BBS2: variants seen among roughly 807,000 people sequenced by gnomAD.
BBS2 encodes the protein Bardet-Biedl syndrome 2.
A neutral mutation model predicts 83.0 loss-of-function variants in BBS2; 62 were observed. That is an observed-to-expected ratio of 0.75 (90% CI 0.61 to 0.92). BBS2 has a LOEUF of 0.92. Ranked by LOEUF, BBS2 falls within the 40% of genes least tolerant of loss-of-function variation. BBS2 has a pLI of 0.00. For missense variants in BBS2, 784 were observed against 901.0 expected (o/e 0.87, Z 1.66); for synonymous variants, 303 against 326.1 (o/e 0.93, Z 0.76).
chr16:56,501,549 T>C, intron 9 of BBS2, 52 bp from the exon 10 acceptor site: 1 of 1,611,752 alleles, frequency 6.2e-7, no homozygotes, highest in Non-Finnish European at 8.5e-7. Flanking sequence ...ACTGAACTAA[T>C]ATCAATTTTA....
chr16:56,511,363 A>C, intron 2 of BBS2, 79 bp from the exon 3 acceptor site: 1 of 1,585,950 alleles, frequency 6.3e-7, no homozygotes, highest in Non-Finnish European at 8.6e-7. Flanking sequence ...AATTTTGAGT[A>C]AACTGAGCAG....
chr16:56,509,758 T>C, intron 5 of BBS2, 199 bp downstream of exon 5: 1 of 566,512 alleles, frequency 1.8e-6, no homozygotes, highest in Non-Finnish European at 3.2e-6. Flanking sequence ...ATTTAATCAG[T>C]CTTTTCAAAA....
chr16:56,506,352 T>A, intron 5 of BBS2, 128 bp from the exon 6 acceptor site: 1 of 727,306 alleles, frequency 1.4e-6, no homozygotes, highest in Non-Finnish European at 2.4e-6. Context: ...GCGCTTCCAA[T>A]CCATTAGTGG....
At chr16:56,506,058 T>C in intron 6 of BBS2, 22 bp from the exon 7 acceptor site, 1 of 1,612,134 alleles carries the variant, frequency 6.2e-7, no homozygotes, top group Non-Finnish European at 8.5e-7. Flanking sequence ...TTTTAATAAT[T>C]AGCACAGAAG....
rs1555520101 is a variant in BBS2, at chr16:56,484,761, C to T, written c.2166G>A (p.Ter722=). 3.7e-6 allele frequency: 6 copies of T among 1,613,094 alleles called. No homozygotes were observed. In the East Asian group the frequency reaches 1.3e-4, roughly 36 times the overall value. ...KIMRVGTASS[*] ...ACTTCATGACCTGTATTTTCCTCAC[C>T]TAGGAAGAAGCTGTCCCCACTCGCA... The change falls in exon 17 of 17, where the codon TAG becomes TAA. Residue 722 remains the stop codon, a stop_retained_variant. Coordinates refer to ENST00000245157, the MANE Select transcript of BBS2 (RefSeq NM_031885.5).
In BBS2 at chr16:56,484,812, A is replaced by T; in HGVS notation, c.2115T>A (p.Asn705Lys). 6.2e-7 allele frequency: 1 copy of T among 1,614,052 alleles called. No individual in the cohort carries two copies. The highest frequency in any genetic ancestry group is 8.5e-7 in the Non-Finnish European group (1 of 1,179,958). ...TGATTTTGAACAGTGTGTTGATGTT[A>T]TTGCTTCGAATTGCATCCCGACAAG... ...ITACRDAIRS[N>K]NINTLFKIMR... The change falls in exon 17 of 17, where the codon AAT (asparagine) becomes AAA (lysine). Residue 705 changes from asparagine to lysine, a missense_variant. Coordinates refer to ENST00000245157, the MANE Select transcript of BBS2 (RefSeq NM_031885.5).
At chr16:56,474,945 G>A in intron 17 of BBS2, 2 of 1,613,612 alleles carry the variant, frequency 1.2e-6, no homozygotes, top group Non-Finnish European at 1.7e-6. Flanking sequence ...TACTGTGGCT[G>A]TGAAGGTAAG....
chr16:56,506,104 G>C lies in BBS2; in HGVS notation c.717+16C>G. On this transcript the variant is annotated intron_variant, in intron 6 of 16. Coordinates refer to ENST00000245157, the MANE Select transcript of BBS2 (RefSeq NM_031885.5). ...ACTATCAAGCGCCTGAATATCAAAG[G>C]CTAAATTATACTAACTTTAATTCTC... is the stretch of plus-strand genomic sequence containing the variant. The C allele has an allele frequency of 6.2e-7, 1 of 1,611,296 alleles. No individual in the cohort carries two copies. Among genetic ancestry groups the C allele is most frequent in the Non-Finnish European group, 8.5e-7 (1 of 1,177,556 alleles).
At chr16:56,519,655 G>T in intron 1 of BBS2, 91 bp downstream of exon 1, 1 of 1,026,512 alleles carries the variant, frequency 9.7e-7, no homozygotes, top group Non-Finnish European at 1.5e-6. Context: ...CTGGGGGCGG[G>T]GTCGGAGAGG....
intron 15 of BBS2, among the ~76,000 whole-genome samples, chr16:56,490,975 ACGGTCTCGATC>A (rs1322075113): frequency 4.0e-5 from 6 of 151,806 alleles, no homozygotes; most frequent in African/African-American, 1.5e-4. Flanking sequence ...GTTAGTCAGG[ACGGTCTCGATC>A]TCCTGGCCTC....
downstream of BBS2, among the ~76,000 whole-genome samples, chr16:56,480,366 CAAAA>C (rs1157907841): frequency 3.3e-5 from 3 of 90,260 alleles, 1 homozygote; most frequent in Admixed American, 3.5e-4. Context: ...AAAAAAAAAA[CAAAA>C]AAAAAAACAA....
chr16:56,519,679 G>A, intron 1 of BBS2, 67 bp downstream of exon 1: 4 of 1,354,716 alleles, frequency 3.0e-6, no homozygotes, highest in East Asian at 2.3e-5. Context: ...CGGGATCCCA[G>A]GGGCGCGGCC....
At chr16:56,474,866 TG>T in intron 17 of BBS2, 1 of 1,613,630 alleles carries the variant, frequency 6.2e-7, no homozygotes, top group Non-Finnish European at 8.5e-7. Flanking sequence ...ACTGAGGCAT[TG>T]GAAGACCGGT....
In BBS2 at chr16:56,519,976, T is replaced by A; in HGVS notation, c.-114A>T. ...CACTACCTGCGCGGCCCCAGCCGCC[T>A]CAGGCCGGACGCGAAACAGCCCGGG... is the stretch of plus-strand genomic sequence containing the variant. On this transcript the variant is annotated 5_prime_UTR_variant, in exon 1 of 17. Transcript: ENST00000245157. 1.1e-6 allele frequency: 1 copy of A among 936,394 alleles called. No individual in the cohort carries two copies. The highest frequency in any genetic ancestry group is 1.7e-6 in the Non-Finnish European group (1 of 589,654). The allele number at this position is 936,394 out of a possible 1,614,324, so 58.0% of individuals were successfully genotyped here.
chr16:56,480,352 C>CCAAAAAAAAAAAAAAA (rs1555519770), downstream of BBS2, among the ~76,000 whole-genome samples: 2 of 76,592 alleles, frequency 2.6e-5, no homozygotes, highest in South Asian at 5.0e-4. Flanking sequence ...CACACACACA[C>CCAAAAAAAAAAAAAAA]AAAAAAAAAA....
chr16:56,498,657 ATTC>A, intron 12 of BBS2, 89 bp from the exon 13 acceptor site: 1 of 1,598,094 alleles, frequency 6.3e-7, no homozygotes, highest in Non-Finnish European at 8.5e-7. Context: ...AGGTACAGCC[ATTC>A]TTGAGGGAAG....
At chr16:56,470,996 A>C (rs1268008117) in intron 17 of BBS2, among the ~76,000 whole-genome samples, 1 of 152,176 alleles carries the variant, frequency 6.6e-6, no homozygotes, top group Non-Finnish European at 1.5e-5. Flanking sequence ...CATGAACAAC[A>C]AGAAAACGTC....
At chr16:56,482,619 A>G (rs202209488), downstream of BBS2, among the ~76,000 whole-genome samples, 1 of 152,212 alleles carries the variant, frequency 6.6e-6, no homozygotes, top group South Asian at 2.1e-4. Context: ...AGGAGGGGCC[A>G]TCGTAAAGTG....
chr16:56,487,816 CAG>C (rs1963824129), intron 15 of BBS2, among the ~76,000 whole-genome samples: 2 of 152,072 alleles, frequency 1.3e-5, no homozygotes, highest in South Asian at 2.1e-4. Context: ...AGAAAAGCAA[CAG>C]GGGTTGGGGA....
Sources: allele counts gnomAD v4.1 joint callset (sites outside exome capture counted in the v4.1 genomes callset), GRCh38; gene constraint gnomAD v4.1.1; transcripts MANE v1.5; gene names NCBI Gene and HGNC (gene_info 2026-07-23, HGNC 2026-07-21).